STXBP6: variants seen among roughly 807,000 people sequenced by gnomAD.
The protein encoded by STXBP6 is syntaxin binding protein 6.
In STXBP6, 21 loss-of-function variants were observed where a neutral mutation model predicts 26.9. The ratio of observed to expected loss-of-function variants is 0.78; its 90% CI spans 0.55 to 1.12. The LOEUF (loss-of-function observed/expected upper bound fraction) is 1.12. Ranked by LOEUF, STXBP6 falls within the 50% of genes most tolerant of loss-of-function variation. STXBP6 has a pLI of 0.00. For synonymous variants in STXBP6, 97 were observed against 92.6 expected (o/e 1.05, Z -0.27); for missense variants, 232 against 257.9 (o/e 0.90, Z 0.69).
At chr14:25,011,765 GA>G (rs375040138) in intron 1 of STXBP6, among the ~76,000 whole-genome samples, 2 of 151,924 alleles carry the variant, frequency 1.3e-5, no homozygotes, top group Admixed American at 1.3e-4. Context: ...ACTACAGGAT[GA>G]AAAAAAAGTA....
At chr14:24,989,262 T>C (rs1393654530) in intron 1 of STXBP6, among the ~76,000 whole-genome samples, 6 of 152,192 alleles carry the variant, frequency 3.9e-5, no homozygotes, top group Non-Finnish European at 8.8e-5. Flanking sequence ...TTCATTACTG[T>C]CTGGTTACTG....
intron 2 of STXBP6, among the ~76,000 whole-genome samples, chr14:24,931,270 A>T (rs1156242760): frequency 6.6e-6 from 1 of 151,012 alleles, no homozygotes; most frequent in Non-Finnish European, 1.5e-5. Flanking sequence ...TAGCATTAGG[A>T]GATATACCTA....
chr14:24,855,332 A>G (rs2069290352), intron 4 of STXBP6, among the ~76,000 whole-genome samples: 1 of 152,140 alleles, frequency 6.6e-6, no homozygotes, highest in Non-Finnish European at 1.5e-5. Context: ...TTAGCACAGT[A>G]TCAATTCTCT....
intron 2 of STXBP6, among the ~76,000 whole-genome samples, chr14:24,957,312 T>G (rs1404930586): frequency 6.6e-6 from 1 of 152,194 alleles, no homozygotes; most frequent in Non-Finnish European, 1.5e-5. Flanking sequence ...TGAAACTCTA[T>G]TGGTTTGCCC....
At chr14:24,868,763 C>T (rs898570169) in intron 2 of STXBP6, among the ~76,000 whole-genome samples, 5 of 152,140 alleles carry the variant, frequency 3.3e-5, no homozygotes, top group Non-Finnish European at 7.4e-5. Context: ...AGGAGAGAGG[C>T]GCTGCCAGTA....
At chr14:24,864,250 T>C (rs182862846) in intron 2 of STXBP6, among the ~76,000 whole-genome samples, 6 of 152,160 alleles carry the variant, frequency 3.9e-5, no homozygotes, top group Admixed American at 2.6e-4. Context: ...AGGCTGAAAA[T>C]AAAAACTTGA....
chr14:24,832,780 A>G (rs1430514859), intron 4 of STXBP6, among the ~76,000 whole-genome samples: 1 of 152,238 alleles, frequency 6.6e-6, no homozygotes, highest in Non-Finnish European at 1.5e-5. Flanking sequence ...ACCAAAGGAA[A>G]GAATGACCAA....
intron 1 of STXBP6, among the ~76,000 whole-genome samples, chr14:25,043,942 G>C (rs1278728506): frequency 6.6e-6 from 1 of 152,092 alleles, no homozygotes; most frequent in Non-Finnish European, 1.5e-5. Context: ...GGTCAAGGCA[G>C]GTGGATTGCT....
chr14:24,952,124 T>C (rs2140064330), intron 2 of STXBP6, among the ~76,000 whole-genome samples: 1 of 151,638 alleles, frequency 6.6e-6, no homozygotes, highest in East Asian at 1.9e-4. Flanking sequence ...ATAAATACAA[T>C]ATGACTGTCC....
chr14:24,828,106 T>G (rs2068343665), intron 4 of STXBP6, among the ~76,000 whole-genome samples: 1 of 152,100 alleles, frequency 6.6e-6, no homozygotes, highest in Non-Finnish European at 1.5e-5. Flanking sequence ...CAATATTTTC[T>G]GCTAGAAGAA....
chr14:24,854,165 A>G (rs1175240866), intron 4 of STXBP6, among the ~76,000 whole-genome samples: 1 of 152,014 alleles, frequency 6.6e-6, no homozygotes, highest in Non-Finnish European at 1.5e-5. Flanking sequence ...GAGCAGGGGG[A>G]CTGCCTAGTG....
intron 2 of STXBP6, among the ~76,000 whole-genome samples, chr14:24,914,194 T>C (rs2071673802): frequency 6.6e-6 from 1 of 152,168 alleles, no homozygotes; most frequent in Admixed American, 6.6e-5. Flanking sequence ...TCATCTGTCA[T>C]CCCGAGACTA....
chr14:24,886,299 C>T (rs1420910615), intron 2 of STXBP6, among the ~76,000 whole-genome samples: 1 of 152,204 alleles, frequency 6.6e-6, no homozygotes, highest in Non-Finnish European at 1.5e-5. Flanking sequence ...GACCCAGCTA[C>T]AAGTGCCTGA....
At chr14:24,934,911 T>C (rs566546475) in intron 2 of STXBP6, among the ~76,000 whole-genome samples, 5 of 152,254 alleles carry the variant, frequency 3.3e-5, no homozygotes, top group Non-Finnish European at 7.4e-5. Context: ...GTGATATTAA[T>C]ACTCTTTTTA....
At chr14:25,021,554 C>T (rs984939820) in intron 1 of STXBP6, among the ~76,000 whole-genome samples, 1 of 152,186 alleles carries the variant, frequency 6.6e-6, no homozygotes, top group Non-Finnish European at 1.5e-5. Context: ...CTCACTATAA[C>T]ACCTCCAGTT....
intron 1 of STXBP6, among the ~76,000 whole-genome samples, chr14:25,012,680 T>C (rs907482851): frequency 2.6e-5 from 4 of 152,170 alleles, no homozygotes; most frequent in African/African-American, 7.2e-5. Flanking sequence ...CTTCACTATA[T>C]ACAGGTAAGA....
chr14:24,957,365 TTCAA>T (rs2073377760), intron 2 of STXBP6, among the ~76,000 whole-genome samples: 1 of 152,186 alleles, frequency 6.6e-6, no homozygotes, highest in Non-Finnish European at 1.5e-5. Flanking sequence ...AATAGAACAC[TTCAA>T]TCAAGCTAGT....
chr14:25,014,059 T>C (rs1365581631), intron 1 of STXBP6, among the ~76,000 whole-genome samples: 1 of 152,222 alleles, frequency 6.6e-6, no homozygotes, highest in African/African-American at 2.4e-5. Flanking sequence ...ACATAATCCC[T>C]GGTAGAGAGA....
intron 2 of STXBP6, among the ~76,000 whole-genome samples, chr14:24,866,898 C>T (rs766681159): frequency 5.9e-5 from 9 of 151,680 alleles, no homozygotes; most frequent in Non-Finnish European, 1.2e-4. Flanking sequence ...TTGTAGAATA[C>T]GACACATTAA....
Sources: gnomAD v4.1 joint callset for allele counts (sites outside exome capture counted in the v4.1 genomes callset) on GRCh38, gnomAD v4.1.1 for gene constraint, MANE v1.5 for transcripts, NCBI Gene and HGNC (gene_info 2026-07-23, HGNC 2026-07-21) for gene names.